Variants in SPAG9 observed in about 807,000 individuals in gnomAD.
SPAG9 encodes sperm associated antigen 9.
SPAG9 carries 35 observed loss-of-function variants against 166.5 expected under a neutral mutation model. The ratio of observed to expected loss-of-function variants is 0.21; its 90% CI spans 0.16 to 0.28. SPAG9 has a LOEUF of 0.28. Ranked by LOEUF, SPAG9 falls within the 10% of genes least tolerant of loss-of-function variation. The pLI is 1.00. For synonymous variants in SPAG9, 534 were observed against 565.5 expected, an observed-to-expected ratio of 0.94 and a Z score of 0.79; for missense variants, 1,235 against 1,603.3, an observed-to-expected ratio of 0.77 and a Z score of 3.92.
At chr17:51,023,308 TATA>T (rs1201718134) in intron 6 of SPAG9, 3 of 160,124 alleles carry the variant, frequency 1.9e-5, no homozygotes, top group Admixed American at 6.6e-5. Context: ...TTTATTAATT[TATA>T]ATATTTTAAT....
Position 51,120,348 on chromosome 17 carries a change from C to A in SPAG9, c.303+6G>T. 1 of 1,565,966 alleles carries A rather than the reference C, an allele frequency of 6.4e-7. No individual in the cohort carries two copies. The highest frequency in any genetic ancestry group is 2.4e-5 in the East Asian group (1 of 42,312). ...CCCGCGGCCCCCGCCCTGCCGCCGG[C>A]CTCACCTCCTCAGCGTGCTTGCGCA... is the stretch of plus-strand genomic sequence containing the variant. On this transcript the variant is annotated splice_donor_region_variant and intron_variant, in intron 1 of 29. Coordinates refer to ENST00000262013, the MANE Select transcript of SPAG9 (RefSeq NM_001130528.3). This position sits in a 1 kb window ranked among gnomAD's most constrained non-coding sequence, Gnocchi z 4.7.
chr17:51,110,004 A>C (rs772525973), intron 1 of SPAG9, among the ~76,000 whole-genome samples: 2 of 151,966 alleles, frequency 1.3e-5, no homozygotes, highest in Non-Finnish European at 2.9e-5. Flanking sequence ...TAGCTACTAC[A>C]CTCGGCCTTG....
intron 9 of SPAG9, among the ~76,000 whole-genome samples, chr17:51,010,683 T>G (rs2045444496): frequency 6.7e-6 from 1 of 149,860 alleles, no homozygotes; most frequent in Admixed American, 6.7e-5. Context: ...AAGTGAGAGG[T>G]GCAGGATGGA....
At chr17:50,967,435 C>A (rs1316939136) in intron 29 of SPAG9, among the ~76,000 whole-genome samples, 1 of 152,136 alleles carries the variant, frequency 6.6e-6, no homozygotes, top group Non-Finnish European at 1.5e-5. Context: ...TCTCTGCAGG[C>A]CAAACTTTCC....
chr17:51,105,111 A>G (rs1389762109), intron 1 of SPAG9, among the ~76,000 whole-genome samples: 5 of 151,706 alleles, frequency 3.3e-5, no homozygotes, highest in Non-Finnish European at 7.4e-5. Context: ...TAAATAGATA[A>G]ATAAATAAAT....
At chr17:51,037,685 A>ATATATATAGTGTGTGT in intron 5 of SPAG9, among the ~76,000 whole-genome samples, 26 of 83,492 alleles carry the variant, frequency 3.1e-4, no homozygotes, top group African/African-American at 7.0e-4. Flanking sequence ...ATATATATAT[A>ATATATATAGTGTGTGT]GTGTGTGTGT....
chr17:51,041,604 T>A lies in SPAG9; in HGVS notation c.638A>T (p.Asp213Val). Residue 213 changes from aspartate to valine, a missense_variant, in exon 5 of 30, where the codon GAT becomes GTT. By Grantham distance (152) the Asp-to-Val change is radical (BLOSUM62 -3). Transcript: ENST00000262013. ...CTGAGCATCAGGTGTAAGCAATCCA[T>A]CTCCAGCAGGTAATGGGAAAATTCC... The part of the protein sequence containing the change: ...SLGIFPLPAG[D>V]GLLTPDAQKG... 6.2e-7 allele frequency: 1 copy of A among 1,613,978 alleles called. No homozygotes were observed.
At chr17:50,985,472 G>A (rs1052055787) in intron 23 of SPAG9, among the ~76,000 whole-genome samples, 20 of 152,172 alleles carry the variant, frequency 1.3e-4, no homozygotes, top group Middle Eastern at 6.8e-3. Flanking sequence ...TAAATAAATC[G>A]CAGTATGGTG....
At chr17:51,064,346 C>T (rs1459583675) in intron 2 of SPAG9, among the ~76,000 whole-genome samples, 1 of 152,154 alleles carries the variant, frequency 6.6e-6, no homozygotes, top group Non-Finnish European at 1.5e-5. Flanking sequence ...AGAGGAAACC[C>T]AAGGAATATC....
chr17:51,074,886 G>C (rs549151958), intron 2 of SPAG9, among the ~76,000 whole-genome samples: 1 of 151,956 alleles, frequency 6.6e-6, no homozygotes, highest in East Asian at 1.9e-4. Flanking sequence ...CCCCTAAATT[G>C]ATCACTTCCC....
intron 12 of SPAG9, 47 bp downstream of exon 12, chr17:51,005,165 C>T: frequency 6.5e-7 from 1 of 1,549,338 alleles, no homozygotes; most frequent in Non-Finnish European, 8.9e-7. Flanking sequence ...TCCCGAAACA[C>T]CAAAACATGG....
rs569760755 is a variant in SPAG9 at position 51,002,060 on chromosome 17, C to T, written c.1477-215G>A. Reference sequence around the variant, plus strand: ...AGACAGGGCCTTGATCTGTTGCCCACCCTGAAGTGCAGTGGTGAAATCATA... The same window carrying T: ...AGACAGGGCCTTGATCTGTTGCCCATCCTGAAGTGCAGTGGTGAAATCATA... On this transcript the variant is annotated intron_variant, in intron 12 of 29. Coordinates refer to ENST00000262013, the MANE Select transcript of SPAG9 (RefSeq NM_001130528.3). Among the ~76,000 whole-genome samples the T allele has an allele frequency of 4.3e-4, 66 of 152,132 alleles. 1 individual carries two copies. The highest frequency in any genetic ancestry group is 3.4e-3 in the Middle Eastern group (1 of 294).
rs1406271050 is a variant in SPAG9, at chr17:51,024,375, A to G, written c.784-3010T>C. Among the ~76,000 whole-genome samples the G allele has an allele frequency of 3.3e-5, 5 of 152,212 alleles. No homozygotes were observed. In the East Asian group the frequency reaches 9.6e-4, roughly 29 times the overall value. The stretch of plus-strand genomic sequence containing the variant: ...ATATTGTACATATTAATTATAATAT[A>G]TTGTACAATATATTTTACACAACAT... On this transcript the variant is annotated intron_variant, in intron 6 of 29. Transcript: ENST00000262013.
chr17:51,055,329 G>A (rs1355950341), intron 3 of SPAG9, among the ~76,000 whole-genome samples: 1 of 151,630 alleles, frequency 6.6e-6, no homozygotes, highest in African/African-American at 2.4e-5. Context: ...CTACAGCTTG[G>A]GCAACAGAGC....
At chr17:51,082,918 A>G (rs2048207423) in intron 1 of SPAG9, among the ~76,000 whole-genome samples, 1 of 151,888 alleles carries the variant, frequency 6.6e-6, no homozygotes, top group Admixed American at 6.6e-5. Context: ...GATGACCCCA[A>G]CTCCCTAGGG....
At chr17:51,011,531 C>T (rs2109226) in intron 9 of SPAG9, among the ~76,000 whole-genome samples, 36,571 of 151,664 alleles carry the variant, frequency 0.24, 5,263 homozygotes, top group Admixed American at 0.34. Context: ...TACAGGTGCA[C>T]GCCACAATGC....
chr17:51,082,653 CAAGTT>C (rs2144652421), intron 1 of SPAG9, among the ~76,000 whole-genome samples: 1 of 151,952 alleles, frequency 6.6e-6, no homozygotes, highest in African/African-American at 2.4e-5. Context: ...GAAAATTTTC[CAAGTT>C]AAAAAAACTG....
intron 24 of SPAG9, among the ~76,000 whole-genome samples, chr17:50,983,905 G>A (rs1462529105): frequency 1.3e-5 from 2 of 152,160 alleles, no homozygotes; most frequent in Non-Finnish European, 2.9e-5. Context: ...TCATTAACCA[G>A]CAATTTTCAG....
chr17:51,008,995 T>C (rs1339890879), intron 9 of SPAG9: 1 of 346,536 alleles, frequency 2.9e-6, no homozygotes, highest in Non-Finnish European at 5.6e-6. Context: ...TAGATAAGCG[T>C]GGAAGCTGAA....
Sources: gnomAD v4.1 joint callset for allele counts (sites outside exome capture counted in the v4.1 genomes callset) on GRCh38, gnomAD v4.1.1 for gene constraint, Gnocchi (gnomAD v3.1) non-coding constraint, MANE v1.5 for transcripts, NCBI Gene and HGNC (gene_info 2026-07-23, HGNC 2026-07-21) for gene names.